MCF2L2: variants seen among roughly 807,000 people sequenced by gnomAD.
MCF2L2 encodes the protein MCF.2 cell line derived transforming sequence-like 2, also known as probable guanine nucleotide exchange factor MCF2L2.
Under a neutral mutation model 150.2 loss-of-function variants are expected in MCF2L2, and 102 were observed. The observed-to-expected ratio is 0.68, with a 90% CI of 0.58 to 0.80. The LOEUF (loss-of-function observed/expected upper bound fraction) is 0.80. Among genes scored for constraint, MCF2L2 ranks in the 30% least tolerant of loss-of-function variants. MCF2L2 has a pLI of 0.00. For missense variants in MCF2L2, 1,256 were observed against 1,372.8 expected (o/e 0.91, Z 1.34); for synonymous variants, 465 against 491.3 (o/e 0.95, Z 0.71).
chr3:183,301,562 A>G (rs1422676460), intron 10 of MCF2L2, among the ~76,000 whole-genome samples: 1 of 152,200 alleles, frequency 6.6e-6, no homozygotes. Flanking sequence ...TGGGAGGCCG[A>G]GGCAGGCGGA....
At chr3:183,278,807 G>T (rs372118959) in intron 14 of MCF2L2, among the ~76,000 whole-genome samples, 2 of 152,174 alleles carry the variant, frequency 1.3e-5, no homozygotes, top group African/African-American at 4.8e-5. Context: ...TCAGGAGTAG[G>T]TAATGGACCT....
intron 15 of MCF2L2, among the ~76,000 whole-genome samples, chr3:183,255,807 T>TAAAA (rs543086878): frequency 7.4e-6 from 1 of 134,368 alleles, no homozygotes; most frequent in Non-Finnish European, 1.6e-5. Context: ...GGTGAGATTG[T>TAAAA]AAAAAAAAAA....
chr3:183,351,189 A>AGTGTAT lies in MCF2L2; in HGVS notation c.276-9560_276-9559insATACAC, dbSNP rs1491416726. Among the ~76,000 whole-genome samples the AGTGTAT allele has an allele frequency of 2.5e-4, 15 of 59,912 alleles. 2 individuals are homozygous for AGTGTAT. Among genetic ancestry groups the AGTGTAT allele is most frequent in the African/African-American group, 5.7e-4 (12 of 21,000 alleles). 39.3% of individuals were successfully genotyped at this position (59,912 alleles called of 152,430 possible). A position where few individuals can be genotyped will look rare whatever the true frequency, so the allele number is the denominator to read the frequency against. On this transcript the variant is annotated intron_variant, in intron 3 of 29. Transcript: ENST00000328913. ...GGTGTGTGTGATATTTATTTTCTTA[A>AGTGTAT]GTATATATATATATATATATATATA...
chr3:183,191,455 G>T (rs6804025), intron 27 of MCF2L2, among the ~76,000 whole-genome samples: 76,672 of 151,964 alleles, frequency 0.5, 22,863 homozygotes, highest in Non-Finnish European at 0.65. Context: ...ATCCTCAGGG[G>T]CTACTTCCAA....
chr3:183,314,410 A>C (rs1028688488), intron 7 of MCF2L2, among the ~76,000 whole-genome samples: 1 of 152,212 alleles, frequency 6.6e-6, no homozygotes, highest in African/African-American at 2.4e-5. Context: ...GGGCCAAAAG[A>C]AAAGAGGTTC....
intron 27 of MCF2L2, among the ~76,000 whole-genome samples, chr3:183,186,454 G>A (rs1203368453): frequency 2.6e-5 from 4 of 152,210 alleles, no homozygotes; most frequent in Non-Finnish European, 1.5e-5. Flanking sequence ...GTCCAGTGCA[G>A]TGGCTCATGC....
intron 3 of MCF2L2, among the ~76,000 whole-genome samples, chr3:183,367,817 G>C (rs1712629656): frequency 6.6e-6 from 1 of 151,762 alleles, no homozygotes; most frequent in Non-Finnish European, 1.5e-5. Context: ...AGAGAGTGAG[G>C]TGAGAGAAAG....
chr3:183,266,292 C>CG (rs1726116999), intron 15 of MCF2L2, among the ~76,000 whole-genome samples: 2 of 152,198 alleles, frequency 1.3e-5, no homozygotes, highest in Non-Finnish European at 2.9e-5. Flanking sequence ...TGGAGCTTGC[C>CG]GGGCACAGCT....
rs369398811 is a variant in MCF2L2, at chr3:183,314,065, T to G, written c.754-2293A>C. 4.6e-5 allele frequency among the ~76,000 whole-genome samples: 7 copies of G among 152,230 alleles called. No individual in the cohort carries two copies. The East Asian group carries it at 1.3e-3, about 29-fold the overall frequency. ...GGAGCTGAGCTCTCCCAGGGAAGGCTAAAGCTGCTTGTGTTTACAAGACTT... is the reference window on the plus strand; with the variant it reads ...GGAGCTGAGCTCTCCCAGGGAAGGCGAAAGCTGCTTGTGTTTACAAGACTT... On this transcript the variant is annotated intron_variant, in intron 7 of 29. Coordinates refer to ENST00000328913, the MANE Select transcript of MCF2L2 (RefSeq NM_015078.4).
intron 15 of MCF2L2, chr3:183,231,304 G>T (rs1386969365): frequency 3.6e-6 from 2 of 548,344 alleles, no homozygotes; most frequent in Admixed American, 4.4e-5. Context: ...CATATAGTGT[G>T]GGGGTCAAGA....
chr3:183,383,273 T>G (rs889323432), intron 2 of MCF2L2, among the ~76,000 whole-genome samples: 1 of 152,152 alleles, frequency 6.6e-6, no homozygotes, highest in African/African-American at 2.4e-5. Context: ...TCACTCTTGT[T>G]GCCCAGGCTG....
rs983740259 is a variant in MCF2L2 at position 183,338,785 on chromosome 3, A to G, written c.486+15T>C. ...AGCCCTAACCAAATGAGACAAGATGAAAGGTCTTGCTTACCGGCACTTTCG... is the reference window on the plus strand; with the variant it reads ...AGCCCTAACCAAATGAGACAAGATGGAAGGTCTTGCTTACCGGCACTTTCG... On this transcript the variant is annotated intron_variant, in intron 5 of 29. Coordinates refer to ENST00000328913, the MANE Select transcript of MCF2L2 (RefSeq NM_015078.4). The G allele has an allele frequency of 4.4e-6, 7 of 1,591,950 alleles. No individual in the cohort carries two copies. The African/African-American group carries it at 8.0e-5, about 18-fold the overall frequency.
intron 2 of MCF2L2, among the ~76,000 whole-genome samples, chr3:183,386,130 A>G (rs1713818186): frequency 6.6e-6 from 1 of 152,196 alleles, no homozygotes; most frequent in African/African-American, 2.4e-5. Flanking sequence ...GTCAGATACC[A>G]TGCTGAGTGA....
intron 1 of MCF2L2, among the ~76,000 whole-genome samples, chr3:183,420,256 C>A (rs918292598): frequency 6.6e-6 from 1 of 152,150 alleles, no homozygotes; most frequent in Non-Finnish European, 1.5e-5. Context: ...TATAGCAGTA[C>A]CCCCACTCTT....
chr3:183,302,218 T>A (rs1728887442), intron 10 of MCF2L2, among the ~76,000 whole-genome samples: 1 of 152,236 alleles, frequency 6.6e-6, no homozygotes, highest in Non-Finnish European at 1.5e-5. Flanking sequence ...TCACCTCGCA[T>A]GCCTTTCTCC....
At chr3:183,211,048 G>A (rs906584384) in intron 22 of MCF2L2, among the ~76,000 whole-genome samples, 3 of 152,108 alleles carry the variant, frequency 2.0e-5, no homozygotes, top group Non-Finnish European at 2.9e-5. Context: ...TGGAATAAAC[G>A]AGAAGGAAAC....
At chr3:183,195,281 G>A in intron 25 of MCF2L2, 26 bp from the exon 26 acceptor site, 2 of 1,573,574 alleles carry the variant, frequency 1.3e-6, no homozygotes, top group African/African-American at 1.4e-5. Context: ...ACAAAAAACA[G>A]CACTCTCAAA....
chr3:183,369,125 G>T (rs538689327), intron 3 of MCF2L2, among the ~76,000 whole-genome samples: 1 of 152,102 alleles, frequency 6.6e-6, no homozygotes, highest in South Asian at 2.1e-4. Context: ...CCAACTGACC[G>T]AATGGACCAT....
At chr3:183,201,676 T>TCACC (rs1463139543) in intron 25 of MCF2L2, among the ~76,000 whole-genome samples, 2 of 152,182 alleles carry the variant, frequency 1.3e-5, no homozygotes, top group Non-Finnish European at 2.9e-5. Context: ...GTAGGAGTGG[T>TCACC]GAGAGAGGGC....
Sources: allele counts gnomAD v4.1 joint callset (sites outside exome capture counted in the v4.1 genomes callset), GRCh38; gene constraint gnomAD v4.1.1; transcripts MANE v1.5; gene names NCBI Gene and HGNC (gene_info 2026-07-23, HGNC 2026-07-21).